Variants in CHD7 observed in about 807,000 individuals in gnomAD.
CHD7 encodes chromodomain helicase DNA binding protein 7, also known as ATP-dependent chromatin remodeler CHD7.
Under a neutral mutation model 307.3 loss-of-function variants are expected in CHD7, and 24 were observed. The observed-to-expected ratio is 0.08, with a 90% CI of 0.06 to 0.11. CHD7 has a LOEUF of 0.11. CHD7 is among the 10% of genes least tolerant of loss of function. CHD7 has a pLI of 1.00. For missense variants in CHD7, 3,106 were observed against 3,727.1 expected, an observed-to-expected ratio of 0.83 and a Z score of 4.34; for synonymous variants, 1,363 against 1,349.9, an observed-to-expected ratio of 1.01 and a Z score of -0.21.
Position 60,865,064 on chromosome 8 carries a change from G to T in CHD7, c.8125G>T (p.Val2709Leu). ...MFDRLLTGPV[V>L]RGEGASRRGR... ...TGACCGCCTTCTCACTGGGCCTGTA[G>T]TGCGGGGAGAGGGAGCGAGCAGAAG... is the stretch of plus-strand genomic sequence containing the variant. Residue 2709 changes from valine to leucine, a missense_variant, in exon 38 of 38, where the codon GTG becomes TTG. Val to Leu is a conservative substitution (Grantham distance 32). This residue lies in a region of CHD7 where 351 missense variants were observed against 366.2 expected (regional missense o/e 0.96). Coordinates refer to ENST00000423902, the MANE Select transcript of CHD7 (RefSeq NM_017780.4). The surrounding 1 kb of genome is among the most constrained non-coding windows in gnomAD (Gnocchi z 4.3). The T allele has an allele frequency of 6.2e-7, 1 of 1,609,644 alleles. No individual in the cohort carries two copies. The highest frequency in any genetic ancestry group is 1.1e-5 in the South Asian group (1 of 90,106).
chr8:60,793,291 T>G (rs188861940), intron 3 of CHD7, among the ~76,000 whole-genome samples: 128 of 152,282 alleles, frequency 8.4e-4, no homozygotes, highest in Non-Finnish European at 1.7e-3. Flanking sequence ...TGTGGATCTT[T>G]CGGAGACAGT....
chr8:60,711,343 G>C (rs1807271683), intron 1 of CHD7, among the ~76,000 whole-genome samples: 1 of 152,178 alleles, frequency 6.6e-6, no homozygotes. Flanking sequence ...TTATAATGGA[G>C]TCCAGAGTTT....
At chr8:60,785,441 T>C (rs1236918793) in intron 3 of CHD7, among the ~76,000 whole-genome samples, 2 of 152,218 alleles carry the variant, frequency 1.3e-5, no homozygotes, top group Admixed American at 6.5e-5. Flanking sequence ...AAAAAACATA[T>C]ATAGTACGAG....
intron 21 of CHD7, among the ~76,000 whole-genome samples, chr8:60,844,442 T>C (rs1317843231): frequency 6.6e-6 from 1 of 152,204 alleles, no homozygotes; most frequent in Admixed American, 6.5e-5. Context: ...CATCGCATCC[T>C]TGATTTTGGG....
intron 1 of CHD7, among the ~76,000 whole-genome samples, chr8:60,732,416 T>G (rs1808499250): frequency 6.6e-6 from 1 of 152,192 alleles, no homozygotes; most frequent in Non-Finnish European, 1.5e-5. Context: ...CTCTGCATCC[T>G]CCTCCAGAGG....
chr8:60,850,974 C>A, intron 26 of CHD7, 58 bp from the exon 27 acceptor site: 1 of 1,224,628 alleles, frequency 8.2e-7, no homozygotes, highest in Non-Finnish European at 1.2e-6. Context: ...TACCCACCCC[C>A]CTTCCTTCTT....
At chr8:60,680,923 C>A (rs1031477526) in intron 1 of CHD7, among the ~76,000 whole-genome samples, 1 of 152,060 alleles carries the variant, frequency 6.6e-6, no homozygotes, top group Non-Finnish European at 1.5e-5. Flanking sequence ...CATTACATGT[C>A]TTAATTTATT....
chr8:60,766,834 C>G (rs917764010), intron 2 of CHD7, among the ~76,000 whole-genome samples: 1 of 152,028 alleles, frequency 6.6e-6, no homozygotes, highest in Non-Finnish European at 1.5e-5. Flanking sequence ...ATAGAGAAGT[C>G]TAGAGTTGAA....
rs1001772320 is a variant in CHD7, at chr8:60,743,105, G to T, written c.1665+8G>T. 6.2e-6 allele frequency: 10 copies of T among 1,607,312 alleles called. No individual in the cohort carries two copies. The highest frequency in any genetic ancestry group is 1.7e-5 in the Admixed American group (1 of 59,818). ...AAAGTGCCTGTGCATCAGGTAAGGG[G>T]ACACAGAGCCTACCTCTGCATTGCA... On this transcript the variant is annotated splice_region_variant and intron_variant, in intron 2 of 37. Coordinates refer to ENST00000423902, the MANE Select transcript of CHD7 (RefSeq NM_017780.4).
At chr8:60,740,692 G>C (rs1808953713) in intron 1 of CHD7, among the ~76,000 whole-genome samples, 1 of 152,200 alleles carries the variant, frequency 6.6e-6, no homozygotes, top group Admixed American at 6.5e-5. Flanking sequence ...TTACATAGTT[G>C]TATGTGGGCT....
At chr8:60,860,720 C>A (rs1181996594) in intron 34 of CHD7, among the ~76,000 whole-genome samples, 184 bp from the exon 35 acceptor site, 1 of 152,246 alleles carries the variant, frequency 6.6e-6, no homozygotes. Context: ...CAGGCGTGAG[C>A]CACCGCGCCC....
intron 2 of CHD7, among the ~76,000 whole-genome samples, chr8:60,776,709 T>C (rs765923542): frequency 2.6e-5 from 4 of 152,248 alleles, no homozygotes; most frequent in Non-Finnish European, 2.9e-5. Flanking sequence ...GTCATTGTTA[T>C]AATCTCAATA....
intron 2 of CHD7, among the ~76,000 whole-genome samples, chr8:60,769,458 A>T (rs1160324500): frequency 6.6e-6 from 1 of 152,218 alleles, no homozygotes; most frequent in South Asian, 2.1e-4. Flanking sequence ...ATGTGTGCCT[A>T]TTGAAGATAC....
intron 7 of CHD7, among the ~76,000 whole-genome samples, chr8:60,813,657 G>A (rs1043884952): frequency 6.6e-6 from 1 of 151,990 alleles, no homozygotes; most frequent in African/African-American, 2.4e-5. Context: ...ATAATTGTGT[G>A]ATTTTTCTCC....
At chr8:60,816,354 A>C in intron 7 of CHD7, 33 bp from the exon 8 acceptor site, 1 of 1,117,294 alleles carries the variant, frequency 9.0e-7, no homozygotes, top group Non-Finnish European at 1.3e-6. Flanking sequence ...ATTATATTCT[A>C]CATATTTCAA....
intron 1 of CHD7, among the ~76,000 whole-genome samples, chr8:60,684,703 T>A (rs936338004): frequency 6.6e-6 from 1 of 152,140 alleles, no homozygotes; most frequent in Non-Finnish European, 1.5e-5. Flanking sequence ...GTATCCAACT[T>A]GGTCAGGGCT....
intron 6 of CHD7, among the ~76,000 whole-genome samples, chr8:60,806,982 A>G (rs1237488016): frequency 6.6e-6 from 1 of 152,140 alleles, no homozygotes; most frequent in African/African-American, 2.4e-5. Context: ...CCATGTTTGC[A>G]CCACTCCACT....
intron 2 of CHD7, among the ~76,000 whole-genome samples, chr8:60,743,542 TTG>T (rs1809169633): frequency 3.3e-5 from 5 of 152,266 alleles, no homozygotes; most frequent in Non-Finnish European, 7.3e-5. Flanking sequence ...GATATTTTTC[TTG>T]GGAAGCTGCA....
intron 1 of CHD7, among the ~76,000 whole-genome samples, chr8:60,686,364 AAAC>A (rs950871859): frequency 5.7e-5 from 7 of 123,574 alleles, no homozygotes; most frequent in African/African-American, 2.2e-4. Context: ...AAAAAAAAAA[AAAC>A]TCTTTAAAAT....
Sources: gnomAD v4.1 joint callset for allele counts (sites outside exome capture counted in the v4.1 genomes callset) on GRCh38, gnomAD v4.1.1 for gene constraint, gnomAD v4.1.1 regional missense constraint, Gnocchi (gnomAD v3.1) non-coding constraint, MANE v1.5 for transcripts, NCBI Gene and HGNC (gene_info 2026-07-23, HGNC 2026-07-21) for gene names.